Variants in RAPGEF1 observed in about 807,000 individuals in gnomAD.
RAPGEF1 encodes the protein CRK SH3-binding GNRP.
A neutral mutation model predicts 143.3 loss-of-function variants in RAPGEF1; 33 were observed. The observed-to-expected ratio is 0.23, with a 90% CI of 0.17 to 0.31. The LOEUF (loss-of-function observed/expected upper bound fraction) is 0.31, where lower values mean the gene tolerates loss of function less well. RAPGEF1 is among the 10% of genes least tolerant of loss of function. The pLI is 1.00. For synonymous variants in RAPGEF1, 629 were observed against 676.5 expected, an observed-to-expected ratio of 0.93 and a Z score of 1.09; for missense variants, 1,199 against 1,645.4, an observed-to-expected ratio of 0.73 and a Z score of 4.69.
intron 1 of RAPGEF1, among the ~76,000 whole-genome samples, chr9:131,710,898 C>T (rs1835457428): frequency 6.6e-6 from 1 of 152,134 alleles, no homozygotes; most frequent in South Asian, 2.1e-4. Flanking sequence ...TTGGCTTTGC[C>T]AGTTGAGCAC....
intron 1 of RAPGEF1, among the ~76,000 whole-genome samples, chr9:131,734,590 T>A (rs1837298596): frequency 6.6e-6 from 1 of 152,166 alleles, no homozygotes; most frequent in Non-Finnish European, 1.5e-5. Flanking sequence ...TGACTGAGTA[T>A]ACTTTGACGA....
chr9:131,678,517 A>C (rs1374251789), intron 1 of RAPGEF1, among the ~76,000 whole-genome samples: 1 of 152,270 alleles, frequency 6.6e-6, no homozygotes, highest in East Asian at 1.9e-4. Context: ...AGTATAAGCC[A>C]GTGTGCTGTT....
chr9:131,659,681 G>C (rs1973468089), intron 1 of RAPGEF1, among the ~76,000 whole-genome samples: 1 of 152,128 alleles, frequency 6.6e-6, no homozygotes, highest in Non-Finnish European at 1.5e-5. Context: ...TGTAGCCAAG[G>C]ACCTGATATA....
intron 1 of RAPGEF1, among the ~76,000 whole-genome samples, chr9:131,666,548 G>C (rs1187533320): frequency 1.3e-5 from 2 of 152,068 alleles, no homozygotes; most frequent in Non-Finnish European, 2.9e-5. Flanking sequence ...TACCACGCCT[G>C]GCTAATTTTT....
At chr9:131,658,633 C>T (rs894387332) in intron 1 of RAPGEF1, among the ~76,000 whole-genome samples, 3 of 152,160 alleles carry the variant, frequency 2.0e-5, no homozygotes, top group Non-Finnish European at 2.9e-5. Context: ...ATCTGGCTGT[C>T]GGATGAATGT....
At chr9:131,732,633 A>G (rs1174329225) in intron 1 of RAPGEF1, among the ~76,000 whole-genome samples, 1 of 152,192 alleles carries the variant, frequency 6.6e-6, no homozygotes, top group Non-Finnish European at 1.5e-5. Context: ...ACCCCCAACT[A>G]ACTGCACACC....
intron 22 of RAPGEF1, among the ~76,000 whole-genome samples, chr9:131,585,616 C>T (rs1170979517): frequency 1.3e-5 from 2 of 152,196 alleles, no homozygotes; most frequent in African/African-American, 4.8e-5. Flanking sequence ...TGGGCAAAAC[C>T]CTACGCTGGA....
chr9:131,721,475 T>C (rs963419663), intron 1 of RAPGEF1, among the ~76,000 whole-genome samples: 2 of 152,170 alleles, frequency 1.3e-5, no homozygotes, highest in African/African-American at 4.8e-5. Context: ...GAAGTCTCGT[T>C]TGGAGGGGTG....
At chr9:131,679,701 T>C (rs889534944) in intron 1 of RAPGEF1, among the ~76,000 whole-genome samples, 1 of 152,220 alleles carries the variant, frequency 6.6e-6, no homozygotes, top group African/African-American at 2.4e-5. Context: ...CAGCGGGGAC[T>C]CCGCCAGGGA....
intron 12 of RAPGEF1, among the ~76,000 whole-genome samples, chr9:131,614,754 G>A (rs1958643424): frequency 1.3e-5 from 2 of 152,318 alleles, no homozygotes; most frequent in South Asian, 4.1e-4. Flanking sequence ...TGCCCAGAAT[G>A]GGATGCCAGC....
chr9:131,680,008 T>G (rs1287358330), intron 1 of RAPGEF1, among the ~76,000 whole-genome samples: 1 of 152,242 alleles, frequency 6.6e-6, no homozygotes, highest in East Asian at 1.9e-4. Flanking sequence ...CCTTAAAGTC[T>G]GTCTGCCATA....
At position 131,619,129 on chromosome 9, in the gene RAPGEF1, G is replaced by A. The variant is rs761418254; in HGVS notation, c.1983C>T (p.Asp661=). ...QQTKVAFTPE[D]GSAAQGLSVS... ...CACTGAGGCCCTGAGCGGCACTGCCGTCCTCGGGGGTGAAGGCCACTTTAG... is the reference window on the plus strand; with the variant it reads ...CACTGAGGCCCTGAGCGGCACTGCCATCCTCGGGGGTGAAGGCCACTTTAG... Residue 661 remains aspartate, a synonymous_variant, in exon 12 of 27, where the codon GAC becomes GAT. Transcript: ENST00000683357. 18 of 1,333,534 alleles carry A rather than the reference G, an allele frequency of 1.3e-5. No homozygotes were observed. Among genetic ancestry groups the A allele is most frequent in the South Asian group, 2.4e-5 (2 of 83,178 alleles). 82.6% of individuals were successfully genotyped at this position (1,333,534 alleles called of 1,614,324 possible).
At chr9:131,645,819 T>G (rs1488013594) in intron 3 of RAPGEF1, among the ~76,000 whole-genome samples, 4 of 152,218 alleles carry the variant, frequency 2.6e-5, no homozygotes, top group African/African-American at 7.2e-5. Flanking sequence ...GCCTGGAAAC[T>G]AAATGAGGCT....
chr9:131,692,018 T>A lies in RAPGEF1; in HGVS notation c.62-41069A>T, dbSNP rs867482481. The stretch of plus-strand genomic sequence containing the variant: ...GACTCTTCTTATCTTTGTGCTAATA[T>A]AGTTATTTCCATTAAGTTCAATATG... On this transcript the variant is annotated intron_variant, in intron 1 of 26. Transcript: ENST00000683357. Among the ~76,000 whole-genome samples the A allele has an allele frequency of 2.0e-5, 3 of 152,262 alleles. No individual in the cohort carries two copies. In the South Asian group the frequency reaches 6.2e-4, roughly 31 times the overall value.
In RAPGEF1 at chr9:131,638,623, C is replaced by T. The variant is rs1394841307; in HGVS notation, c.651+12G>A. ...GTCCCTGACTGGGACTGTCTGGAACCTGCACCGGTACCTTCACTCCATCCA... is the reference window on the plus strand; with the variant it reads ...GTCCCTGACTGGGACTGTCTGGAACTTGCACCGGTACCTTCACTCCATCCA... On this transcript the variant is annotated intron_variant, in intron 5 of 26. Coordinates refer to ENST00000683357, the MANE Select transcript of RAPGEF1 (RefSeq NM_001377935.1). The T allele has an allele frequency of 1.2e-6, 2 of 1,613,830 alleles. No homozygotes were observed. Among genetic ancestry groups the T allele is most frequent in the Admixed American group, 1.7e-5 (1 of 60,018 alleles).
At chr9:131,647,719 G>C (rs1341343724) in intron 3 of RAPGEF1, among the ~76,000 whole-genome samples, 1 of 152,200 alleles carries the variant, frequency 6.6e-6, no homozygotes, top group African/African-American at 2.4e-5. Flanking sequence ...CACGCAGGTG[G>C]CTTGGGACAG....
chr9:131,579,645 T>C lies in RAPGEF1; in HGVS notation c.3644A>G (p.His1215Arg). ...LDSMRCFQQA[H>R]YDMRRNDDII... ...GTCGTCGTTCCTCCGCATGTCATAG[T>C]GCCTGGTGCAGGGGATGGGGAGCAG... Residue 1215 changes from histidine (H) to arginine (R), a missense_variant and splice_region_variant, in exon 27 of 27, where the codon CAC becomes CGC. Physicochemically the swap from His to Arg is conservative, Grantham distance 29 (BLOSUM62 0). Transcript: ENST00000683357. 6.2e-7 allele frequency: 1 copy of C among 1,613,804 alleles called. No homozygotes were observed. The highest frequency in any genetic ancestry group is 8.5e-7 in the Non-Finnish European group (1 of 1,179,748).
In RAPGEF1 at chr9:131,641,295, T is replaced by C. The variant is rs368274136; in HGVS notation, c.494+1944A>G. ...CTTCCCACTGTTCCCCTCTCGTCCATGCTCTAGGACATATACCCTCTGCCC... is the reference window on the plus strand; with the variant it reads ...CTTCCCACTGTTCCCCTCTCGTCCACGCTCTAGGACATATACCCTCTGCCC... On this transcript the variant is annotated intron_variant, in intron 4 of 26. Coordinates refer to ENST00000683357, the MANE Select transcript of RAPGEF1 (RefSeq NM_001377935.1). This position sits in a 1 kb window ranked among gnomAD's most constrained non-coding sequence, Gnocchi z 4.6. Among the ~76,000 whole-genome samples the C allele has an allele frequency of 6.6e-6, 1 of 152,152 alleles. No individual in the cohort carries two copies. The highest frequency in any genetic ancestry group is 1.9e-4 in the East Asian group (1 of 5,190).
intron 10 of RAPGEF1, among the ~76,000 whole-genome samples, chr9:131,623,787 G>A (rs1003979202): frequency 6.6e-6 from 1 of 152,246 alleles, no homozygotes; most frequent in African/African-American, 2.4e-5. Context: ...GGACCCTCAC[G>A]ATGTCAGTGC....
Sources: gnomAD v4.1 joint callset for allele counts (sites outside exome capture counted in the v4.1 genomes callset) on GRCh38, gnomAD v4.1.1 for gene constraint, Gnocchi (gnomAD v3.1) non-coding constraint, MANE v1.5 for transcripts, NCBI Gene and HGNC (gene_info 2026-07-23, HGNC 2026-07-21) for gene names.